Variants in NUP43 observed in about 807,000 individuals in gnomAD.
NUP43 encodes nucleoporin Nup43.
Under a neutral mutation model 47.3 loss-of-function variants are expected in NUP43, and 32 were observed. That is an observed-to-expected ratio of 0.68 (90% CI 0.51 to 0.91). The LOEUF (loss-of-function observed/expected upper bound fraction) is 0.91. Among genes scored for constraint, NUP43 ranks in the 40% least tolerant of loss-of-function variants. The pLI is 0.00. For missense variants in NUP43, 444 were observed against 453.9 expected (o/e 0.98, Z 0.20); for synonymous variants, 147 against 158.4 (o/e 0.93, Z 0.54).
In NUP43 at chr6:149,726,726, C is replaced by G; in HGVS notation, c.*243G>C. The stretch of plus-strand genomic sequence containing the variant: ...TCTGAAGGCAACCTATTCATCAGCA[C>G]CAGAATCCCACTGATTTTCTTCCAC... On this transcript the variant is annotated 3_prime_UTR_variant, in exon 8 of 8. Coordinates refer to ENST00000340413, the MANE Select transcript of NUP43 (RefSeq NM_198887.3). 1 of 512,750 alleles carries G rather than the reference C, an allele frequency of 2.0e-6. No homozygotes were observed. The highest frequency in any genetic ancestry group is 3.5e-6 in the Non-Finnish European group (1 of 283,972). 31.8% of individuals were successfully genotyped at this position (512,750 alleles called of 1,614,324 possible).
At chr6:149,727,285 T>G in intron 7 of NUP43, 87 bp from the exon 8 acceptor site, 1 of 1,487,632 alleles carries the variant, frequency 6.7e-7, no homozygotes. Context: ...TTTAGAAAGG[T>G]GATGATATCA....
chr6:149,741,630 C>T (rs149483693), intron 4 of NUP43, among the ~76,000 whole-genome samples: 5 of 150,960 alleles, frequency 3.3e-5, no homozygotes, highest in African/African-American at 9.7e-5. Flanking sequence ...CTCAGCCTCC[C>T]GAGTAGCTGG....
At position 149,746,004 on chromosome 6, in the gene NUP43, C is replaced by A. The variant is rs764235398; in HGVS notation, c.179G>T (p.Gly60Val). Residue 60 changes from glycine to valine, a missense_variant, in exon 2 of 8, where the codon GGG (glycine) becomes GTG (valine). By Grantham distance (109) the Gly-to-Val change is moderately radical. Transcript: ENST00000340413. ...CAATAACTGATGGTCTCCTTCAAAC[C>A]CTCCATCAGAGTCCAAGTTTCCAAA... ...GDFGNLDSDG[G>V]FEGDHQLLCD... is the part of the protein sequence containing the mutation. 1 of 1,612,720 alleles carries A rather than the reference C, an allele frequency of 6.2e-7. No homozygotes were observed. The highest frequency in any genetic ancestry group is 1.7e-5 in the Admixed American group (1 of 59,994).
At chr6:149,727,591 A>AG in intron 7 of NUP43, 1 of 877,256 alleles carries the variant, frequency 1.1e-6, no homozygotes, top group Non-Finnish European at 1.4e-6. Context: ...TAATAACAAA[A>AG]TAAAATGATC....
intron 2 of NUP43, 37 bp downstream of exon 2, chr6:149,745,903 C>G (rs529913941): frequency 6.3e-7 from 1 of 1,577,530 alleles, no homozygotes; most frequent in South Asian, 1.2e-5. Flanking sequence ...TTACTCAGGA[C>G]TTTCAAAGTT....
At position 149,736,218 on chromosome 6, in the gene NUP43, G is replaced by A. The variant is rs554787129; in HGVS notation, c.790+253C>T. On this transcript the variant is annotated intron_variant, in intron 6 of 7. Transcript: ENST00000340413. ...CTTGAACCCAGGAGGCAGAGGTTGC[G>A]GTGGGCCAAGATAGCGCCATTGCAC... Among the ~76,000 whole-genome samples the A allele has an allele frequency of 8.2e-4, 121 of 147,056 alleles. 1 individual carries two copies. The highest frequency in any genetic ancestry group is 2.6e-3 in the African/African-American group (102 of 39,654).
chr6:149,737,452 A>G (rs1470886353), intron 5 of NUP43, among the ~76,000 whole-genome samples: 1 of 151,978 alleles, frequency 6.6e-6, no homozygotes, highest in Non-Finnish European at 1.5e-5. Flanking sequence ...ATTTTAAGAA[A>G]TTTTGGTAGA....
At chr6:149,740,947 G>A (rs553422290) in intron 4 of NUP43, among the ~76,000 whole-genome samples, 2 of 151,834 alleles carry the variant, frequency 1.3e-5, no homozygotes, top group African/African-American at 2.4e-5. Context: ...TCCTGCCTCT[G>A]GCCTATTCCC....
Position 149,732,707 on chromosome 6 carries a change from G to A in NUP43, c.791-972C>T, listed in dbSNP as rs113692163. Among the ~76,000 whole-genome samples, 1,126 of 151,032 alleles carry A rather than the reference G, an allele frequency of 7.5e-3. 7 individuals carry two copies. Among genetic ancestry groups the A allele is most frequent in the Middle Eastern group, 0.014 (4 of 286 alleles). ...CAAAAATACAAAAAATTAGCCCGGC[G>A]TGGTGGCAGGTGCCTGTAATCCCAG... On this transcript the variant is annotated intron_variant, in intron 6 of 7. Coordinates refer to ENST00000340413, the MANE Select transcript of NUP43 (RefSeq NM_198887.3).
chr6:149,729,286 C>T (rs897593306), intron 7 of NUP43, among the ~76,000 whole-genome samples: 5 of 152,190 alleles, frequency 3.3e-5, no homozygotes, highest in Non-Finnish European at 7.3e-5. Flanking sequence ...GCCACCGCGC[C>T]CGGCCTCCTT....
chr6:149,734,285 C>G lies in NUP43; in HGVS notation c.790+2186G>C, dbSNP rs527275334. On this transcript the variant is annotated intron_variant, in intron 6 of 7. Transcript: ENST00000340413. The stretch of plus-strand genomic sequence containing the variant: ...AGGAGGTTGAGGCTTAAGTGAGGTA[C>G]CATGCCACTGCACTCCAGCCTGGGC... 1.3e-4 allele frequency among the ~76,000 whole-genome samples: 19 copies of G among 151,980 alleles called. No individual in the cohort carries two copies. The South Asian group carries it at 2.5e-3, about 20-fold the overall frequency.
intron 7 of NUP43, chr6:149,729,499 T>C (rs926551927): frequency 1.0e-6 from 1 of 984,282 alleles, no homozygotes; most frequent in South Asian, 4.7e-5. Flanking sequence ...TTCAGCCTGG[T>C]TGAGGGAGCG....
intron 2 of NUP43, among the ~76,000 whole-genome samples, chr6:149,745,166 C>A (rs1341497596): frequency 6.6e-6 from 1 of 151,710 alleles, no homozygotes; most frequent in Non-Finnish European, 1.5e-5. Context: ...TTTGGGAGGC[C>A]GAGGCAGGCA....
At chr6:149,732,840 C>T (rs567357335) in intron 6 of NUP43, among the ~76,000 whole-genome samples, 30 of 151,966 alleles carry the variant, frequency 2.0e-4, no homozygotes, top group Admixed American at 5.2e-4. Flanking sequence ...AGCAAAACTA[C>T]GTCTCAAAAA....
At chr6:149,746,563 C>T (rs1405253634), upstream of NUP43, 9 of 1,612,890 alleles carry the variant, frequency 5.6e-6, no homozygotes, top group African/African-American at 1.3e-5. Context: ...ACCGCCTCTT[C>T]CCGCGGAACC....
chr6:149,730,257 C>CTT (rs1324234455), intron 7 of NUP43, among the ~76,000 whole-genome samples: 1 of 152,188 alleles, frequency 6.6e-6, no homozygotes, highest in African/African-American at 2.4e-5. Context: ...GATCCACCTG[C>CTT]CTTGGCCTCC....
At chr6:149,747,674 A>G (rs1786083151), upstream of NUP43, among the ~76,000 whole-genome samples, 1 of 152,218 alleles carries the variant, frequency 6.6e-6, no homozygotes, top group Non-Finnish European at 1.5e-5. Context: ...TGTAAATCCT[A>G]CTGAATACAA....
chr6:149,735,345 A>G (rs745716602), intron 6 of NUP43, among the ~76,000 whole-genome samples: 22 of 152,138 alleles, frequency 1.4e-4, no homozygotes, highest in Non-Finnish European at 2.1e-4. Flanking sequence ...GCATGTGCCA[A>G]TGTGCCTGGC....
chr6:149,735,598 CAA>C (rs57726234), intron 6 of NUP43, among the ~76,000 whole-genome samples: 32 of 51,308 alleles, frequency 6.2e-4, no homozygotes, highest in Non-Finnish European at 9.5e-4. Flanking sequence ...ACCCTGTCTC[CAA>C]AAAAAAAAAA....
Sources: allele counts gnomAD v4.1 joint callset (sites outside exome capture counted in the v4.1 genomes callset), GRCh38; gene constraint gnomAD v4.1.1; transcripts MANE v1.5; gene names NCBI Gene and HGNC (gene_info 2026-07-23, HGNC 2026-07-21).